The following ACOT1 variants were observed in gnomAD, a reference collection of about 807,000 sequenced individuals.
ACOT1 encodes acyl-CoA thioesterase 1, also known as acyl-coenzyme A thioesterase 1.
A neutral mutation model predicts 15.7 loss-of-function variants in ACOT1; 8 were observed. The observed-to-expected ratio is 0.51, with a 90% CI of 0.30 to 0.92. The LOEUF is 0.92. ACOT1 is among the 40% of genes least tolerant of loss of function. The pLI, the probability that ACOT1 is intolerant of heterozygous loss-of-function variation, is 0.06. For missense variants in ACOT1, 151 were observed against 539.4 expected (o/e 0.28, Z 7.13); for synonymous variants, 67 against 241.2 (o/e 0.28, Z 6.69).
the ACOT1 span, chr14:73,512,290 A>ATCTC: frequency 3.3e-6 from 3 of 921,926 alleles, no homozygotes; most frequent in Non-Finnish European, 4.8e-6. Flanking sequence ...GGGCCCAGAG[A>ATCTC]TGGGGTCTTT....
the ACOT1 span, among the ~76,000 whole-genome samples, chr14:73,502,562 T>G: frequency 6.6e-6 from 1 of 152,026 alleles, no homozygotes; most frequent in African/African-American, 2.4e-5. Flanking sequence ...GCACTTTTTT[T>G]TTTTGAGACG....
At chr14:73,520,890 T>C in the ACOT1 span, 8 of 1,613,856 alleles carry the variant, frequency 5.0e-6, no homozygotes, top group Middle Eastern at 1.6e-4. Context: ...GTCTGTGGAG[T>C]AGGCAAACTT....
the ACOT1 span, chr14:73,498,143 T>A: frequency 1.3e-6 from 2 of 1,597,862 alleles, no homozygotes; most frequent in Admixed American, 3.4e-5. Flanking sequence ...GAGCCAGAGG[T>A]TTAGTGCTTA....
chr14:73,524,533 C>G, the ACOT1 span, among the ~76,000 whole-genome samples: 2 of 150,458 alleles, frequency 1.3e-5, no homozygotes, highest in Non-Finnish European at 2.9e-5. Flanking sequence ...TTGGAATAAC[C>G]TTGCTGAGGA....
At chr14:73,508,287 ACT>A in the ACOT1 span, 1 of 1,613,442 alleles carries the variant, frequency 6.2e-7, no homozygotes, top group Non-Finnish European at 8.5e-7. Flanking sequence ...AGCTATCCAC[ACT>A]GTTACCTGCC....
chr14:73,529,646 T>C, the ACOT1 span, among the ~76,000 whole-genome samples: 1,662 of 140,658 alleles, frequency 0.012, 5 homozygotes, highest in Middle Eastern at 0.023. Flanking sequence ...AATTTAGTTC[T>C]ACTTTTCTGT....
chr14:73,521,175 T>G, the ACOT1 span: 2 of 748,138 alleles, frequency 2.7e-6, no homozygotes, highest in Non-Finnish European at 4.4e-6. Flanking sequence ...AACACCAATG[T>G]TTAACTTTTA....
At chr14:73,524,310 A>AAATATATATATATATATAT in the ACOT1 span, among the ~76,000 whole-genome samples, 1 of 54,780 alleles carries the variant, frequency 1.8e-5, no homozygotes, top group Admixed American at 2.8e-4. Context: ...AAAAAAAAAA[A>AAATATATATATATATATAT]ATATATATAT....
chr14:73,522,934 GAA>G, the ACOT1 span: 1 of 1,614,244 alleles, frequency 6.2e-7, no homozygotes, highest in Non-Finnish European at 8.5e-7. Flanking sequence ...CCTCCTGAGA[GAA>G]GGTAAGGTTT....
the ACOT1 span, among the ~76,000 whole-genome samples, chr14:73,518,488 T>C: frequency 1.3e-5 from 2 of 152,186 alleles, no homozygotes; most frequent in African/African-American, 4.8e-5. Context: ...ACAGTAATCC[T>C]ACAAAGAGTC....
chr14:73,523,076 C>A, the ACOT1 span: 7 of 1,613,178 alleles, frequency 4.3e-6, no homozygotes, highest in East Asian at 2.2e-5. Flanking sequence ...TAAAATCATG[C>A]CCCATCCCAG....
the ACOT1 span, chr14:73,493,097 G>T: frequency 1.2e-6 from 2 of 1,612,020 alleles, no homozygotes; most frequent in Non-Finnish European, 1.7e-6. Flanking sequence ...ACAAACCTCG[G>T]AAGGTCTTCT....
At chr14:73,521,059 G>A in the ACOT1 span, 1 of 1,606,400 alleles carries the variant, frequency 6.2e-7, no homozygotes, top group East Asian at 2.2e-5. Flanking sequence ...GGTGAGAAAG[G>A]AGGGAAAAGG....
At chr14:73,507,867 C>T in the ACOT1 span, among the ~76,000 whole-genome samples, 8 of 152,314 alleles carry the variant, frequency 5.3e-5, no homozygotes, top group South Asian at 2.1e-4. Context: ...CTCAGCCTCC[C>T]GAGTAGCTGG....
the ACOT1 span, chr14:73,522,444 G>A: frequency 6.2e-7 from 1 of 1,614,240 alleles, no homozygotes; most frequent in Non-Finnish European, 8.5e-7. Flanking sequence ...TGCTGGCGCA[G>A]GAAGCTCTGC....
chr14:73,520,872 A>T, the ACOT1 span: 1 of 1,613,954 alleles, frequency 6.2e-7, no homozygotes, highest in Non-Finnish European at 8.5e-7. Context: ...CTCCTGTTCA[A>T]AGGTGTTGTC....
chr14:73,526,045 G>A, the ACOT1 span, among the ~76,000 whole-genome samples: 1 of 151,998 alleles, frequency 6.6e-6, no homozygotes, highest in Non-Finnish European at 1.5e-5. Context: ...AAGAGGCACT[G>A]AAGAGGGTGG....
the ACOT1 span, chr14:73,523,150 C>T: frequency 6.3e-7 from 1 of 1,585,748 alleles, no homozygotes; most frequent in Non-Finnish European, 8.5e-7. Context: ...GGGTCCTGGT[C>T]ATACCGCGTC....
chr14:73,492,085 C>G, the ACOT1 span: 1 of 1,613,992 alleles, frequency 6.2e-7, no homozygotes, highest in Non-Finnish European at 8.5e-7. The surrounding 1 kb of genome is among the most constrained non-coding windows in gnomAD (Gnocchi z 4.9). Context: ...GTAGGAAACT[C>G]TGGCGTGTAT....
Sources: gnomAD v4.1 joint callset for allele counts (sites outside exome capture counted in the v4.1 genomes callset) on GRCh38, gnomAD v4.1.1 for gene constraint, Gnocchi (gnomAD v3.1) non-coding constraint, MANE v1.5 for transcripts, NCBI Gene and HGNC (gene_info 2026-07-23, HGNC 2026-07-21) for gene names.